Variants in PLIN2 observed in about 807,000 individuals in gnomAD.
PLIN2 encodes the protein perilipin-2.
Under a neutral mutation model 30.6 loss-of-function variants are expected in PLIN2, and 33 were observed. The ratio of observed to expected loss-of-function variants is 1.08; its 90% CI spans 0.82 to 1.44. PLIN2 has a LOEUF of 1.44. Ranked by LOEUF, PLIN2 falls within the 40% of genes most tolerant of loss-of-function variation. The pLI is 0.00. For missense variants in PLIN2, 610 were observed against 531.8 expected (o/e 1.15, Z -1.45); for synonymous variants, 205 against 201.1 (o/e 1.02, Z -0.16).
At chr9:19,115,457 G>A (rs998680731), downstream of PLIN2, among the ~76,000 whole-genome samples, 3 of 151,782 alleles carry the variant, frequency 2.0e-5, no homozygotes, top group South Asian at 2.1e-4. Context: ...ACAGGCACCC[G>A]CCACCGTGCC....
At chr9:19,124,169 G>C (rs1389267860) in intron 3 of PLIN2, among the ~76,000 whole-genome samples, 1 of 152,142 alleles carries the variant, frequency 6.6e-6, no homozygotes, top group African/African-American at 2.4e-5. Context: ...AGCAGGCAGA[G>C]GCAGTGACAG....
intron 2 of PLIN2, 36 bp from the exon 3 acceptor site, chr9:19,126,345 T>C (rs1396309358): frequency 1.9e-6 from 3 of 1,613,500 alleles, no homozygotes; most frequent in Non-Finnish European, 2.5e-6. Flanking sequence ...CTTATTAATC[T>C]CTCAAAACAC....
chr9:19,117,981 T>C (rs887430271), intron 7 of PLIN2, among the ~76,000 whole-genome samples: 1 of 152,196 alleles, frequency 6.6e-6, no homozygotes, highest in African/African-American at 2.4e-5. Flanking sequence ...GTACTGCCTA[T>C]GAGATAGCCC....
rs1192071756 is a variant in PLIN2, at chr9:19,126,383, C to T, written c.30+14G>A. Reference sequence around the variant, plus strand: ...AAGGAGAGAAAGTAGACAAAGGCTACTCAAAATTCATACCGGTTGTGGATC... The same window carrying T: ...AAGGAGAGAAAGTAGACAAAGGCTATTCAAAATTCATACCGGTTGTGGATC... On this transcript the variant is annotated intron_variant, in intron 2 of 7. Transcript: ENST00000276914. The T allele has an allele frequency of 1.9e-6, 3 of 1,613,894 alleles. No homozygotes were observed. The highest frequency in any genetic ancestry group is 2.7e-5 in the African/African-American group (2 of 74,910).
In PLIN2 at chr9:19,119,795, A is replaced by T. The variant is rs757012322; in HGVS notation, c.632T>A (p.Val211Asp). Residue 211 changes from valine (V) to aspartate (D), a missense_variant, in exon 6 of 8, where the codon GTT becomes GAT. Physicochemically the swap from Val to Asp is radical, Grantham distance 152. Transcript: ENST00000276914. ...TCTAACATAATAACTTGGCTTCTGAACCAGATCAAATCCTTCAACTTTTTT... is the reference window on the plus strand; with the variant it reads ...TCTAACATAATAACTTGGCTTCTGATCCAGATCAAATCCTTCAACTTTTTT... ...EAKKVEGFDLVQKPSYYVRLG... is the reference protein window; with the variant it reads ...EAKKVEGFDLDQKPSYYVRLG... 6.3e-7 allele frequency: 1 copy of T among 1,588,336 alleles called. No homozygotes were observed. The highest frequency in any genetic ancestry group is 8.6e-7 in the Non-Finnish European group (1 of 1,166,310).
intron 4 of PLIN2, among the ~76,000 whole-genome samples, chr9:19,121,947 A>G (rs1027974720): frequency 6.6e-6 from 1 of 151,920 alleles, no homozygotes; most frequent in Non-Finnish European, 1.5e-5. Flanking sequence ...CAAACAAACA[A>G]TGACAAAAAA....
At chr9:19,122,241 A>G (rs547535485) in intron 4 of PLIN2, among the ~76,000 whole-genome samples, 5 of 152,210 alleles carry the variant, frequency 3.3e-5, no homozygotes, top group Non-Finnish European at 7.3e-5. Flanking sequence ...GATTTGCACA[A>G]GCATTCTAAA....
intron 7 of PLIN2, 104 bp from the exon 8 acceptor site, chr9:19,116,753 T>C: frequency 1.1e-6 from 1 of 940,134 alleles, no homozygotes; most frequent in Non-Finnish European, 1.6e-6. Flanking sequence ...GTGGATTCTT[T>C]GGCTTTTAAA....
At chr9:19,121,297 T>C in intron 4 of PLIN2, 132 bp from the exon 5 acceptor site, 1 of 770,212 alleles carries the variant, frequency 1.3e-6, no homozygotes, top group East Asian at 2.7e-5. Context: ...GCTTTAGGTC[T>C]TGGGCAAGTC....
intron 7 of PLIN2, 48 bp from the exon 8 acceptor site, chr9:19,116,697 T>TA (rs777947057): frequency 6.5e-6 from 10 of 1,538,762 alleles, no homozygotes; most frequent in East Asian, 4.5e-5. Flanking sequence ...GTGCTATGTA[T>TA]AAATTAGTTC....
At chr9:19,126,073 G>C (rs534384463) in intron 3 of PLIN2, 41 bp downstream of exon 3, 2 of 1,570,716 alleles carry the variant, frequency 1.3e-6, no homozygotes, top group African/African-American at 1.3e-5. Flanking sequence ...GCTCGCCACT[G>C]ACCAGTCCCT....
intron 1 of PLIN2, among the ~76,000 whole-genome samples, 197 bp from the exon 2 acceptor site, chr9:19,126,645 T>C (rs556559570): frequency 4.6e-5 from 7 of 152,268 alleles, no homozygotes; most frequent in African/African-American, 1.7e-4. Flanking sequence ...ACTCCCTCTT[T>C]TGAGGCAAAG....
Position 19,126,969 on chromosome 9 carries a change from GA to G in PLIN2, c.-23+449del, listed in dbSNP as rs1437191574. Among the ~76,000 whole-genome samples, 3 of 152,080 alleles carry G rather than the reference GA, an allele frequency of 2.0e-5. No individual in the cohort carries two copies. In the East Asian group the frequency reaches 5.8e-4, roughly 29 times the overall value. On this transcript the variant is annotated intron_variant, in intron 1 of 7. Coordinates refer to ENST00000276914, the MANE Select transcript of PLIN2 (RefSeq NM_001122.4). ...AGGCAGGAGAATCGCTTGAACCCGG[GA>G]GGCGGAGGTTGCAGTGAGCCTAGAT...
At chr9:19,112,701 AT>A (rs1207348187), downstream of PLIN2, among the ~76,000 whole-genome samples, 1 of 139,454 alleles carries the variant, frequency 7.2e-6, no homozygotes, top group Non-Finnish European at 1.5e-5. Context: ...GCAAGAGCCC[AT>A]CTCAAAAAAA....
rs1038155687 is a variant in PLIN2 at position 19,116,882 on chromosome 9, C to T, written c.913-233G>A. Among the ~76,000 whole-genome samples, 6 of 152,106 alleles carry T rather than the reference C, an allele frequency of 3.9e-5. No homozygotes were observed. The South Asian group carries it at 6.2e-4, about 16-fold the overall frequency. Reference sequence around the variant, plus strand: ...ACTGGAAAACAGCTGGGTAGGGATTCGAACTAGTGCCTGAGTCTCCAAAGT... The same window carrying T: ...ACTGGAAAACAGCTGGGTAGGGATTTGAACTAGTGCCTGAGTCTCCAAAGT... On this transcript the variant is annotated intron_variant, in intron 7 of 7. Transcript: ENST00000276914.
chr9:19,125,968 C>G (rs191849049), intron 3 of PLIN2, 146 bp downstream of exon 3: 9 of 591,206 alleles, frequency 1.5e-5, no homozygotes, highest in Non-Finnish European at 2.4e-5. Context: ...AGTCCTCTTA[C>G]GGTAATGAGG....
chr9:19,126,575 T>A (rs1818404286), intron 1 of PLIN2, 127 bp from the exon 2 acceptor site: 2 of 641,130 alleles, frequency 3.1e-6, no homozygotes, highest in Admixed American at 2.7e-5. Flanking sequence ...CTTCTGCACT[T>A]CTTTCCTCTC....
chr9:19,119,975 T>G (rs1349432468), intron 5 of PLIN2, 144 bp from the exon 6 acceptor site: 1 of 574,750 alleles, frequency 1.7e-6, no homozygotes, highest in African/African-American at 1.9e-5. Context: ...ACTGCTCACG[T>G]CTGCTGCTGG....
chr9:19,123,708 A>T (rs2131184019), intron 3 of PLIN2, 61 bp from the exon 4 acceptor site: 4 of 1,403,784 alleles, frequency 2.8e-6, no homozygotes, highest in Non-Finnish European at 3.9e-6. Context: ...AACACACATT[A>T]CCATAGGCCT....
Sources: allele counts gnomAD v4.1 joint callset (sites outside exome capture counted in the v4.1 genomes callset), GRCh38; gene constraint gnomAD v4.1.1; transcripts MANE v1.5; gene names NCBI Gene and HGNC (gene_info 2026-07-23, HGNC 2026-07-21).